ZNF99: variants seen among roughly 807,000 people sequenced by gnomAD.
The protein encoded by ZNF99 is zinc finger protein ENSP00000375192.
In ZNF99, 8 loss-of-function variants were observed where a neutral mutation model predicts 12.8. That is an observed-to-expected ratio of 0.62 (90% CI 0.37 to 1.13). The LOEUF (loss-of-function observed/expected upper bound fraction) is 1.13. Ranked by LOEUF, ZNF99 falls within the 50% of genes most tolerant of loss-of-function variation. ZNF99 has a pLI of 0.02. For missense variants in ZNF99, 1,007 were observed against 1,006.2 expected (o/e 1.00, Z -0.01); for synonymous variants, 318 against 319.0 (o/e 1.00, Z 0.03).
chr19:22,757,281 C>T lies in ZNF99; in HGVS notation c.*33G>A. ...GAATTGTTAAAAGCTTTGCCACATT[C>T]TTCACATTTGTAGGGTTTCTTTCCA... On this transcript the variant is annotated 3_prime_UTR_variant, in exon 4 of 4. Coordinates refer to ENST00000596209, the MANE Select transcript of ZNF99 (RefSeq NM_001080409.3). The T allele has an allele frequency of 6.2e-7, 1 of 1,611,156 alleles. No homozygotes were observed. Among genetic ancestry groups the T allele is most frequent in the Non-Finnish European group, 8.5e-7 (1 of 1,178,334 alleles).
Position 22,754,045 on chromosome 19 carries a change from T to C in ZNF99, c.*3269A>G, listed in dbSNP as rs1238323453. On this transcript the variant is annotated 3_prime_UTR_variant, in exon 4 of 4. Coordinates refer to ENST00000596209, the MANE Select transcript of ZNF99 (RefSeq NM_001080409.3). ...TGTAGAGCTTCTCTCCAGTATGATT[T>C]GATAACTTATTAAAAACTTTGCCAC... The C allele has an allele frequency of 2.2e-6, 1 of 455,992 alleles. No individual in the cohort carries two copies. Among genetic ancestry groups the C allele is most frequent in the East Asian group, 7.0e-5 (1 of 14,376 alleles). The allele number at this position is 455,992 out of a possible 1,614,324, so 28.2% of individuals were successfully genotyped here. A position where few individuals can be genotyped will look rare whatever the true frequency, so the allele number is the denominator to read the frequency against.
intron 1 of ZNF99, chr19:22,771,118 T>C (rs970675287): frequency 6.6e-6 from 1 of 151,546 alleles, no homozygotes; most frequent in Admixed American, 6.6e-5. Context: ...TTTGTATTTT[T>C]AGTATAGACG....
intron 1 of ZNF99, among the ~76,000 whole-genome samples, chr19:22,783,611 G>A (rs561713153): frequency 1.3e-5 from 2 of 152,102 alleles, no homozygotes; most frequent in South Asian, 2.1e-4. Flanking sequence ...AGTGATGACT[G>A]CCATCAATTT....
chr19:22,760,687 T>A (rs1393985133), intron 3 of ZNF99, among the ~76,000 whole-genome samples: 1 of 151,898 alleles, frequency 6.6e-6, no homozygotes, highest in African/African-American at 2.4e-5. Flanking sequence ...GAGCTTGCAG[T>A]GAGCCGAGAT....
At position 22,755,388 on chromosome 19, in the gene ZNF99, A is replaced by G; in HGVS notation, c.*1926T>C. 3.4e-6 allele frequency: 1 copy of G among 293,682 alleles called. No individual in the cohort carries two copies. Among genetic ancestry groups the G allele is most frequent in the South Asian group, 4.0e-5 (1 of 25,224 alleles). 18.2% of individuals were successfully genotyped at this position (293,682 alleles called of 1,614,324 possible). A position where few individuals can be genotyped will look rare whatever the true frequency, so the allele number is the denominator to read the frequency against. The stretch of plus-strand genomic sequence containing the variant: ...CATATTTGTAGGGTTTCTCTTCAGT[A>G]TGAATTATCTTATGTTCAGTAAGGT... On this transcript the variant is annotated 3_prime_UTR_variant, in exon 4 of 4. Transcript: ENST00000596209.
chr19:22,758,992 A>C lies in ZNF99; in HGVS notation c.917T>G (p.Ile306Ser), dbSNP rs1431409043. The stretch of plus-strand genomic sequence containing the variant: ...TTTGTAGGGTTTCTCTCCAGTATGA[A>C]TTGCTTTATGTCTAGTAAGGTGTGA... Reference protein sequence around the residue: ...QSSHLTRHKAIHTGEKPYKCE... With the variant: ...QSSHLTRHKASHTGEKPYKCE... Residue 306 changes from isoleucine (I) to serine (S), a missense_variant, in exon 4 of 4, where the codon ATT (isoleucine) becomes AGT (serine). By Grantham distance (142) the Ile-to-Ser change is moderately radical. Coordinates refer to ENST00000596209, the MANE Select transcript of ZNF99 (RefSeq NM_001080409.3). The C allele has an allele frequency of 2.5e-5, 41 of 1,613,778 alleles. No homozygotes were observed. The highest frequency in any genetic ancestry group is 3.2e-5 in the Non-Finnish European group (38 of 1,179,916).
chr19:22,763,393 A>G lies in ZNF99; in HGVS notation c.227-3711T>C, dbSNP rs1973170477. 2.4e-5 allele frequency among the ~76,000 whole-genome samples: 3 copies of G among 123,504 alleles called. No individual in the cohort carries two copies. In the South Asian group the frequency reaches 8.0e-4, roughly 33 times the overall value. The allele number at this position is 123,504 out of a possible 152,430, so 81.0% of individuals were successfully genotyped here. A position where few individuals can be genotyped will look rare whatever the true frequency, so the allele number is the denominator to read the frequency against. Reference sequence around the variant, plus strand: ...CAAACTCTTTTACAATAGCTGTGAGAAAAAAAAAAAATTAGGAATATACCT... The same window carrying G: ...CAAACTCTTTTACAATAGCTGTGAGGAAAAAAAAAAATTAGGAATATACCT... On this transcript the variant is annotated intron_variant, in intron 3 of 3. Transcript: ENST00000596209.
Position 22,758,213 on chromosome 19 carries a change from T to C in ZNF99, c.1696A>G (p.Lys566Glu), listed in dbSNP as rs1379985684. The change falls in exon 4 of 4, where the codon AAA becomes GAA. Residue 566 changes from lysine to glutamate, a missense_variant. Lys to Glu is a moderately conservative substitution (Grantham distance 56). Coordinates refer to ENST00000596209, the MANE Select transcript of ZNF99 (RefSeq NM_001080409.3). ...AAAGCTTTGCCACATTCTTCACATT[T>C]GTATGGTTTCTTCCCAGTATGAATT... The part of the protein sequence containing the change: ...KIIHTGKKPY[K>E]CEECGKAFKQ... The C allele has an allele frequency of 6.2e-7, 1 of 1,613,810 alleles. No individual in the cohort carries two copies. The highest frequency in any genetic ancestry group is 1.1e-5 in the South Asian group (1 of 91,050).
intron 1 of ZNF99, among the ~76,000 whole-genome samples, chr19:22,780,288 C>A (rs1167011256): frequency 6.6e-6 from 1 of 152,172 alleles, no homozygotes; most frequent in Non-Finnish European, 1.5e-5. Context: ...ACACAGTGTT[C>A]ATATAAGGGA....
Position 22,756,891 on chromosome 19 carries a change from T to G in ZNF99, c.*423A>C. On this transcript the variant is annotated 3_prime_UTR_variant, in exon 4 of 4. Transcript: ENST00000596209. ...ACATTTGTAGGGTTTCTCTACAGTATGAATTACCTTATGTTCCATAAGTTT... is the reference window on the plus strand; with the variant it reads ...ACATTTGTAGGGTTTCTCTACAGTAGGAATTACCTTATGTTCCATAAGTTT... The G allele has an allele frequency of 5.6e-6, 9 of 1,611,524 alleles. No homozygotes were observed. The highest frequency in any genetic ancestry group is 7.6e-6 in the Non-Finnish European group (9 of 1,178,894).
At chr19:22,779,658 C>T (rs1013865105) in intron 1 of ZNF99, among the ~76,000 whole-genome samples, 2 of 152,200 alleles carry the variant, frequency 1.3e-5, no homozygotes. Context: ...CAGTCTGAGT[C>T]AACATACAAC....
At chr19:22,771,283 T>C (rs1973267307) in intron 1 of ZNF99, 2 of 121,752 alleles carry the variant, frequency 1.6e-5, no homozygotes, top group African/African-American at 6.8e-5. Context: ...TGAGGCAGAG[T>C]CTTGCTCTGT....
Position 22,778,464 on chromosome 19 carries a change from C to T in ZNF99, c.3+5550G>A, listed in dbSNP as rs560999132. Among the ~76,000 whole-genome samples the T allele has an allele frequency of 8.5e-5, 13 of 152,278 alleles. No homozygotes were observed. In the South Asian group the frequency reaches 2.7e-3, roughly 32 times the overall value. On this transcript the variant is annotated intron_variant, in intron 1 of 3. Transcript: ENST00000596209. ...TCTGACACCACCCAGAGTCAGCACA[C>T]ACCCTGATTCAGGGCTCAGTCTCAC...
intron 1 of ZNF99, among the ~76,000 whole-genome samples, chr19:22,775,986 C>T (rs1973321834): frequency 6.6e-6 from 1 of 152,214 alleles, no homozygotes; most frequent in Non-Finnish European, 1.5e-5. Context: ...TGTGCCACTG[C>T]ACTCGAGCCT....
rs142615427 is a variant in ZNF99, at chr19:22,758,025, T to C, written c.1884A>G (p.Lys628=). Reference sequence around the variant, plus strand: ...TAAGGGTTGAGGACTGGCTAAAAGCTTTGCCACATTCTTCACATTTGTAGG... The same window carrying C: ...TAAGGGTTGAGGACTGGCTAAAAGCCTTGCCACATTCTTCACATTTGTAGG... ...KKPYKCEECG[K]AFSQSSTLRK... is the part of the protein sequence containing the mutation. The change falls in exon 4 of 4, where the codon AAA becomes AAG. Residue 628 remains lysine (K), a synonymous_variant. Coordinates refer to ENST00000596209, the MANE Select transcript of ZNF99 (RefSeq NM_001080409.3). The C allele has an allele frequency of 0.088, 141,161 of 1,612,572 alleles. 5,902 individuals carry two copies. The highest frequency in any genetic ancestry group is 0.14 in the Middle Eastern group (831 of 6,048).
chr19:22,768,387 A>G lies in ZNF99; in HGVS notation c.144T>C (p.Ser48=). ...TCAGACAAGTTATCAAGTCTAGCTT[A>G]GAGACAGCGATACCTGTTTTATTAA... The part of the protein sequence containing the change: ...RNLVFLGIAV[S]KLDLITCLKQ... The change falls in exon 3 of 4, where the codon TCT becomes TCC. Residue 48 remains serine, a synonymous_variant. Coordinates refer to ENST00000596209, the MANE Select transcript of ZNF99 (RefSeq NM_001080409.3). The G allele has an allele frequency of 6.8e-6, 11 of 1,611,928 alleles. No individual in the cohort carries two copies. Among genetic ancestry groups the G allele is most frequent in the Non-Finnish European group, 9.3e-6 (11 of 1,179,328 alleles).
At chr19:22,777,183 A>G (rs1445115826) in intron 1 of ZNF99, among the ~76,000 whole-genome samples, 1 of 152,170 alleles carries the variant, frequency 6.6e-6, no homozygotes, top group Non-Finnish European at 1.5e-5. Flanking sequence ...AAAACAAAAC[A>G]TGGTATATAA....
chr19:22,755,963 C>T lies in ZNF99; in HGVS notation c.*1351G>A. 2 of 506,746 alleles carry T rather than the reference C, an allele frequency of 3.9e-6. No individual in the cohort carries two copies. The highest frequency in any genetic ancestry group is 7.0e-6 in the Non-Finnish European group (2 of 284,904). The allele number at this position is 506,746 out of a possible 1,614,324, so 31.4% of individuals were successfully genotyped here. A position where few individuals can be genotyped will look rare whatever the true frequency, so the allele number is the denominator to read the frequency against. ...CCTTTATTATATTTGTAGGGTTTTC[C>T]TCCAGTATCAATTATTTTATGTGTA... is the stretch of plus-strand genomic sequence containing the variant. On this transcript the variant is annotated 3_prime_UTR_variant, in exon 4 of 4. Transcript: ENST00000596209.
rs754372686 is a variant in ZNF99, at chr19:22,756,554, T to C, written c.*760A>G. ...TCACATTTGTAGGGTTTCTCTCCAGTATGAATTGATTTATGTTTAGTAAGG... is the reference window on the plus strand; with the variant it reads ...TCACATTTGTAGGGTTTCTCTCCAGCATGAATTGATTTATGTTTAGTAAGG... On this transcript the variant is annotated 3_prime_UTR_variant, in exon 4 of 4. Coordinates refer to ENST00000596209, the MANE Select transcript of ZNF99 (RefSeq NM_001080409.3). 7 of 1,597,566 alleles carry C rather than the reference T, an allele frequency of 4.4e-6. No homozygotes were observed. Among genetic ancestry groups the C allele is most frequent in the Admixed American group, 3.4e-5 (2 of 59,460 alleles).
Sources: gnomAD v4.1 joint callset for allele counts (sites outside exome capture counted in the v4.1 genomes callset) on GRCh38, gnomAD v4.1.1 for gene constraint, MANE v1.5 for transcripts, NCBI Gene and HGNC (gene_info 2026-07-23, HGNC 2026-07-21) for gene names.